The following HCN2 variants were observed in gnomAD, a reference collection of about 807,000 sequenced individuals.
HCN2 encodes potassium/sodium hyperpolarization-activated cyclic nucleotide-gated channel 2.
HCN2 carries 20 observed loss-of-function variants against 52.3 expected under a neutral mutation model. The observed-to-expected ratio is 0.38, with a 90% CI of 0.27 to 0.56. The LOEUF (loss-of-function observed/expected upper bound fraction) is 0.56, where lower values mean the gene tolerates loss of function less well. Among genes scored for constraint, HCN2 ranks in the 20% least tolerant of loss-of-function variants. The probability of loss-of-function intolerance (pLI) is 0.71; values close to 1 mark genes in which losing one functional copy is unlikely to be tolerated. For missense variants in HCN2, 981 were observed against 1,207.7 expected (o/e 0.81, Z 2.78); for synonymous variants, 694 against 537.0 (o/e 1.29, Z -4.04).
chr19:603,973 GT>G lies in HCN2; in HGVS notation c.1056+7del, dbSNP rs770688397. On this transcript the variant is annotated splice_region_variant and intron_variant, in intron 2 of 7. Transcript: ENST00000251287. Reference sequence around the variant, plus strand: ...ACATCCATCAGTGGGAGGAGGTGAGGTGGGGCGGGGGCGGGGCCAAGGCAGC... The same window carrying G: ...ACATCCATCAGTGGGAGGAGGTGAGGGGGGCGGGGGCGGGGCCAAGGCAGC... 2.9e-5 allele frequency: 47 copies of G among 1,596,284 alleles called. No homozygotes were observed. Among genetic ancestry groups the G allele is most frequent in the Non-Finnish European group, 3.7e-5 (44 of 1,173,428 alleles).
intron 4 of HCN2, among the ~76,000 whole-genome samples, chr19:609,869 C>T (rs1015094618): frequency 2.6e-5 from 4 of 152,134 alleles, no homozygotes; most frequent in African/African-American, 9.7e-5. Context: ...CACTGCACTC[C>T]AGCGTGGGCC....
chr19:601,429 C>T (rs1021945036), intron 1 of HCN2, among the ~76,000 whole-genome samples: 3 of 152,196 alleles, frequency 2.0e-5, no homozygotes, highest in African/African-American at 4.8e-5. Context: ...CCATGGTGGA[C>T]GGGTCGCGCC....
intron 1 of HCN2, among the ~76,000 whole-genome samples, chr19:602,134 T>C (rs573026029): frequency 4.3e-5 from 5 of 117,424 alleles, no homozygotes; most frequent in Admixed American, 8.2e-5. Flanking sequence ...CACTCCCTCC[T>C]CTCTCCTCCT....
intron 7 of HCN2, 52 bp downstream of exon 7, chr19:614,068 G>GGGGCCGGGGCGGGTGCCC: frequency 1.5e-6 from 2 of 1,346,476 alleles, no homozygotes; most frequent in Non-Finnish European, 2.0e-6. Flanking sequence ...GGGGAGGGGC[G>GGGGCCGGGGCGGGTGCCC]TGGCCAAGGC....
chr19:617,049 C>A lies in HCN2; in HGVS notation c.*575C>A. 1 of 554,732 alleles carries A rather than the reference C, an allele frequency of 1.8e-6. No individual in the cohort carries two copies. The highest frequency in any genetic ancestry group is 3.3e-6 in the Non-Finnish European group (1 of 307,038). The allele number at this position is 554,732 out of a possible 1,614,324, so 34.4% of individuals were successfully genotyped here. On this transcript the variant is annotated 3_prime_UTR_variant, in exon 8 of 8. Transcript: ENST00000251287. The stretch of plus-strand genomic sequence containing the variant: ...GGGGGGGAGGCTGGGGTCCCGCCGC[C>A]GTGATGAATGTACTGACGAGCCGAG...
In HCN2 at chr19:591,703, A is replaced by G. The variant is rs984295160; in HGVS notation, c.632+1126A>G. On this transcript the variant is annotated intron_variant, in intron 1 of 7. Transcript: ENST00000251287. This position sits in a 1 kb window ranked among gnomAD's most constrained non-coding sequence, Gnocchi z 4.1. ...CACGGACAGCGCGCCGGACCTGGGA[A>G]GCCTGCGGTTTTCCCGCCTGTCTCT... Among the ~76,000 whole-genome samples the G allele has an allele frequency of 2.0e-4, 31 of 152,056 alleles. No homozygotes were observed. The highest frequency in any genetic ancestry group is 6.8e-4 in the African/African-American group (28 of 41,408).
rs1274465958 is a variant in HCN2 at position 615,796 on chromosome 19, C to A, written c.1992C>A (p.Gly664=). ...TVAIDRLDRI[G]KKNSILLHKV... ...ACGCTAACGCCCCCTCTCCCGCAGGCAAGAAGAATTCCATCCTCCTGCACA... is the reference window on the plus strand; with the variant it reads ...ACGCTAACGCCCCCTCTCCCGCAGGAAAGAAGAATTCCATCCTCCTGCACA... The change falls in exon 8 of 8, where the codon GGC becomes GGA. Residue 664 remains glycine (G), a splice_region_variant and synonymous_variant. Coordinates refer to ENST00000251287, the MANE Select transcript of HCN2 (RefSeq NM_001194.4). 1.2e-6 allele frequency: 2 copies of A among 1,611,520 alleles called. No individual in the cohort carries two copies. Among genetic ancestry groups the A allele is most frequent in the African/African-American group, 1.3e-5 (1 of 74,900 alleles).
intron 1 of HCN2, among the ~76,000 whole-genome samples, chr19:593,234 G>T (rs1029034679): frequency 2.6e-5 from 4 of 152,196 alleles, no homozygotes; most frequent in African/African-American, 7.2e-5. Flanking sequence ...CCACATATTT[G>T]CTGAATTTTC....
chr19:604,634 G>A (rs11666355), intron 2 of HCN2, among the ~76,000 whole-genome samples: 23,530 of 95,724 alleles, frequency 0.25, 3,012 homozygotes, highest in Admixed American at 0.33. Flanking sequence ...GGCGGGGTCA[G>A]GCAGCAAGGG....
rs1983927205 is a variant in HCN2 at position 616,403 on chromosome 19, G to A, written c.2599G>A (p.Ala867Thr). The A allele has an allele frequency of 3.2e-6, 4 of 1,236,790 alleles. No homozygotes were observed. Among genetic ancestry groups the A allele is most frequent in the Non-Finnish European group, 4.1e-6 (4 of 986,868 alleles). The allele number at this position is 1,236,790 out of a possible 1,614,324, so 76.6% of individuals were successfully genotyped here. ...AAPSPDRRDS[A>T]SPGAAGGLDP... ...GCCCAGCCCGGACCGCAGGGACTCG[G>A]CCTCACCCGGCGCCGCCGGCGGCCT... Residue 867 changes from alanine to threonine, a missense_variant, in exon 8 of 8, where the codon GCC becomes ACC. Physicochemically the swap from Ala to Thr is moderately conservative, Grantham distance 58. Around this residue, in one of 6 missense-constraint regions of HCN2, gnomAD observed 368 missense variants for 314.8 expected, o/e 1.17. Transcript: ENST00000251287.
At chr19:608,288 C>A in intron 4 of HCN2, 106 bp downstream of exon 4, 1 of 1,022,144 alleles carries the variant, frequency 9.8e-7, no homozygotes, top group South Asian at 1.4e-5. Context: ...TGGAGGGAGG[C>A]AGGCCCGGTC....
At position 613,880 on chromosome 19, in the gene HCN2, C is replaced by G. The variant is rs1201922155; in HGVS notation, c.1854C>G (p.Arg618=). The part of the protein sequence containing the change: ...GEICLLTRGR[R]TASVRADTYC... Reference sequence around the variant, plus strand: ...TCTGCCTGCTCACCCGGGGCCGCCGCACGGCGAGCGTGCGGGCTGACACCT... The same window carrying G: ...TCTGCCTGCTCACCCGGGGCCGCCGGACGGCGAGCGTGCGGGCTGACACCT... Residue 618 remains arginine, a synonymous_variant, in exon 7 of 8, where the codon CGC becomes CGG. Transcript: ENST00000251287. 2.5e-6 allele frequency: 4 copies of G among 1,592,538 alleles called. No homozygotes were observed. In the African/African-American group the frequency reaches 4.1e-5, roughly 16 times the overall value.
chr19:613,274 G>A lies in HCN2; in HGVS notation c.1611G>A (p.Lys537=). 1 of 1,612,634 alleles carries A rather than the reference G, an allele frequency of 6.2e-7. No homozygotes were observed. Among genetic ancestry groups the A allele is most frequent in the Middle Eastern group, 1.7e-4 (1 of 6,004 alleles). ...REEIVNFNCR[K]LVASMPLFAN... is the part of the protein sequence containing the mutation. ...AGATCGTCAACTTCAACTGCCGGAA[G>A]CTGGTGGCCTCCATGCCGCTGTTCG... The change falls in exon 6 of 8, where the codon AAG becomes AAA. Residue 537 remains lysine (K), a synonymous_variant. Coordinates refer to ENST00000251287, the MANE Select transcript of HCN2 (RefSeq NM_001194.4).
chr19:595,727 G>A (rs761711706), intron 1 of HCN2, among the ~76,000 whole-genome samples: 6 of 152,210 alleles, frequency 3.9e-5, no homozygotes, highest in African/African-American at 1.4e-4. Flanking sequence ...CCGGGAACCC[G>A]AGATCTCCCC....
In HCN2 at chr19:613,909, G is replaced by A; in HGVS notation, c.1883G>A (p.Cys628Tyr). ...RTASVRADTY[C>Y]RLYSLSVDNF... ...GCGAGCGTGCGGGCTGACACCTACT[G>A]CCGCCTCTATTCGCTGAGCGTGGAC... Residue 628 changes from cysteine (C) to tyrosine (Y), a missense_variant, in exon 7 of 8, where the codon TGC becomes TAC. By Grantham distance (194) the Cys-to-Tyr change is radical (BLOSUM62 -2). Around this residue, in one of 6 missense-constraint regions of HCN2, gnomAD observed 85 missense variants for 106.1 expected, o/e 0.80. Transcript: ENST00000251287. The A allele has an allele frequency of 6.2e-7, 1 of 1,602,118 alleles. No individual in the cohort carries two copies. Among genetic ancestry groups the A allele is most frequent in the Non-Finnish European group, 8.5e-7 (1 of 1,174,320 alleles).
intron 2 of HCN2, among the ~76,000 whole-genome samples, chr19:604,809 C>G (rs539046395): frequency 7.2e-5 from 3 of 41,536 alleles, no homozygotes; most frequent in Admixed American, 8.8e-4. Context: ...TGTCCTAGGG[C>G]GGGGGCTGTG....
At position 613,370 on chromosome 19, in the gene HCN2, C is replaced by T; in HGVS notation, c.1707C>T (p.Asp569=). ...KLKFEVFQPG[D]YIIREGTIGK... ...AGTTCGAGGTCTTCCAGCCGGGTGA[C>T]TACATCATCCGCGAAGGCACCATCG... The change falls in exon 6 of 8, where the codon GAC becomes GAT. Residue 569 remains aspartate, a synonymous_variant. Coordinates refer to ENST00000251287, the MANE Select transcript of HCN2 (RefSeq NM_001194.4). 6.2e-7 allele frequency: 1 copy of T among 1,613,066 alleles called. No individual in the cohort carries two copies. The highest frequency in any genetic ancestry group is 8.5e-7 in the Non-Finnish European group (1 of 1,179,894).
At chr19:604,613 G>A (rs1170161393) in intron 2 of HCN2, among the ~76,000 whole-genome samples, 1 of 140,914 alleles carries the variant, frequency 7.1e-6, no homozygotes, top group Non-Finnish European at 1.5e-5. Flanking sequence ...GGAGATATGA[G>A]GGTTGTGCTG....
intron 3 of HCN2, among the ~76,000 whole-genome samples, chr19:607,499 T>A (rs999315064): frequency 6.6e-6 from 1 of 152,244 alleles, no homozygotes; most frequent in Non-Finnish European, 1.5e-5. Context: ...CACCCGCACA[T>A]GCGGTCCCAT....
Sources: allele counts gnomAD v4.1 joint callset (sites outside exome capture counted in the v4.1 genomes callset), GRCh38; gene constraint gnomAD v4.1.1; regional missense constraint gnomAD v4.1.1; non-coding constraint Gnocchi (gnomAD v3.1); transcripts MANE v1.5; gene names NCBI Gene and HGNC (gene_info 2026-07-23, HGNC 2026-07-21).